The following NSUN7 variants were observed in gnomAD, a reference collection of about 807,000 sequenced individuals.
NSUN7 encodes NOP2/Sun RNA methyltransferase family member 7, also known as protein NSUN7.
In NSUN7, 39 loss-of-function variants were observed where a neutral mutation model predicts 58.5. The ratio of observed to expected loss-of-function variants is 0.67; its 90% CI spans 0.52 to 0.87. NSUN7 has a LOEUF of 0.87. NSUN7 is among the 40% of genes least tolerant of loss of function. The probability of loss-of-function intolerance (pLI) is 0.00; values close to 1 mark genes in which losing one functional copy is unlikely to be tolerated. For synonymous variants in NSUN7, 278 were observed against 303.7 expected, an observed-to-expected ratio of 0.92 and a Z score of 0.88; for missense variants, 765 against 844.1, an observed-to-expected ratio of 0.91 and a Z score of 1.16.
intron 4 of NSUN7, among the ~76,000 whole-genome samples, chr4:40,770,026 C>A (rs1252038240): frequency 6.6e-6 from 1 of 151,808 alleles, no homozygotes; most frequent in Non-Finnish European, 1.5e-5. Context: ...CCTGGACCAA[C>A]ATGGAGAAGC....
At position 40,790,601 on chromosome 4, in the gene NSUN7, G is replaced by T; in HGVS notation, c.1037-1G>T. The T allele has an allele frequency of 1.3e-6, 2 of 1,518,918 alleles. No homozygotes were observed. The highest frequency in any genetic ancestry group is 2.0e-5 in the Admixed American group (1 of 49,438). The allele number at this position is 1,518,918 out of a possible 1,614,324, so 94.1% of individuals were successfully genotyped here. On this transcript the variant is annotated splice_acceptor_variant, in intron 7 of 11. Transcript: ENST00000381782. LOFTEE classifies it high-confidence loss of function. ...TTAAATTTTCTGTGTTTTTTCCCCA[G>T]ATATTGAAATACTTCATGAGAAATT...
chr4:40,750,897 C>T lies in NSUN7; in HGVS notation c.204C>T (p.Ile68=), dbSNP rs1740793270. 1.2e-6 allele frequency: 2 copies of T among 1,614,066 alleles called. No homozygotes were observed. Among genetic ancestry groups the T allele is most frequent in the Non-Finnish European group, 1.7e-6 (2 of 1,180,044 alleles). ...RIEKSAQKVL[I]KYGNEPLRSL... is the part of the protein sequence containing the mutation. ...AAAAGTCGGCACAGAAAGTCTTAAT[C>T]AAGTATGGGAATGAACCCCTGCGGT... Residue 68 remains isoleucine (I), a synonymous_variant, in exon 2 of 12, where the codon ATC becomes ATT. Transcript: ENST00000381782.
Position 40,774,317 on chromosome 4 carries a change from G to C in NSUN7, c.541G>C (p.Ala181Pro). The change falls in exon 5 of 12, where the codon GCC becomes CCC. Residue 181 changes from alanine to proline, a missense_variant. Transcript: ENST00000381782. ...ALARCRIKHD[A>P]LSIYHILPET... ...GGCAAGATGTCGAATCAAGCATGATGCCCTTTCAATTTACCACATCCTTCC... is the reference window on the plus strand; with the variant it reads ...GGCAAGATGTCGAATCAAGCATGATCCCCTTTCAATTTACCACATCCTTCC... The C allele has an allele frequency of 6.2e-7, 1 of 1,614,048 alleles. No individual in the cohort carries two copies. Among genetic ancestry groups the C allele is most frequent in the South Asian group, 1.1e-5 (1 of 91,072 alleles).
chr4:40,752,793 G>C (rs1376983817), intron 2 of NSUN7, among the ~76,000 whole-genome samples: 1 of 152,256 alleles, frequency 6.6e-6, no homozygotes, highest in Non-Finnish European at 1.5e-5. Flanking sequence ...ATTTAGACAG[G>C]AATATATATT....
intron 7 of NSUN7, 159 bp downstream of exon 7, chr4:40,776,418 G>C (rs1348487344): frequency 2.0e-6 from 1 of 505,434 alleles, no homozygotes; most frequent in African/African-American, 1.9e-5. Flanking sequence ...GGCTGTCCTT[G>C]TTGCTTAATT....
At chr4:40,789,726 CA>C (rs1742991801) in intron 7 of NSUN7, among the ~76,000 whole-genome samples, 1 of 151,644 alleles carries the variant, frequency 6.6e-6, no homozygotes, top group Non-Finnish European at 1.5e-5. Context: ...AAAATAGTGG[CA>C]GGGGGCAAGA....
rs1742191178 is a variant in NSUN7, at chr4:40,774,872, T to C, written c.747T>C (p.Asp249=). Residue 249 remains aspartate, a synonymous_variant, in exon 6 of 12, where the codon GAT becomes GAC. Transcript: ENST00000381782. ...KVFAVDQHCY[D]VLIFPSHLKN... ...TTGCTGTGGATCAACATTGCTATGA[T>C]GTCTTAATTTTTCCATCTCATCTTA... is the stretch of plus-strand genomic sequence containing the variant. 1 of 1,417,972 alleles carries C rather than the reference T, an allele frequency of 7.1e-7. No homozygotes were observed. Among genetic ancestry groups the C allele is most frequent in the Admixed American group, 1.7e-5 (1 of 59,326 alleles). 87.8% of individuals were successfully genotyped at this position (1,417,972 alleles called of 1,614,324 possible).
In NSUN7 at chr4:40,807,151, C is replaced by T; in HGVS notation, c.1491C>T (p.Thr497=). 1 of 1,549,706 alleles carries T rather than the reference C, an allele frequency of 6.5e-7. No homozygotes were observed. Among genetic ancestry groups the T allele is most frequent in the African/African-American group, 1.4e-5 (1 of 72,978 alleles). The part of the protein sequence containing the change: ...KFFRMEPSEI[T]NGCFLSILTR... ...TCAGAATGGAACCATCTGAAATTAC[C>T]AATGGTTGTTTTCTTTCTATTTTAA... The change falls in exon 11 of 12, where the codon ACC becomes ACT. Residue 497 remains threonine, a synonymous_variant. Coordinates refer to ENST00000381782, the MANE Select transcript of NSUN7 (RefSeq NM_024677.6).
intron 2 of NSUN7, 57 bp from the exon 3 acceptor site, chr4:40,760,377 A>C: frequency 7.7e-7 from 1 of 1,296,206 alleles, no homozygotes; most frequent in Non-Finnish European, 1.1e-6. Context: ...TTTTGATTCC[A>C]GAGTTTTCAT....
At chr4:40,754,015 T>A (rs1740979145) in intron 2 of NSUN7, among the ~76,000 whole-genome samples, 1 of 152,178 alleles carries the variant, frequency 6.6e-6, no homozygotes, top group Non-Finnish European at 1.5e-5. Flanking sequence ...TATATCTTTA[T>A]CAGCAGCATA....
Position 40,809,061 on chromosome 4 carries a change from T to C in NSUN7, c.*122T>C, listed in dbSNP as rs979988427. 74 of 1,003,700 alleles carry C rather than the reference T, an allele frequency of 7.4e-5. No homozygotes were observed. Among genetic ancestry groups the C allele is most frequent in the Non-Finnish European group, 1.0e-4 (71 of 711,934 alleles). The allele number at this position is 1,003,700 out of a possible 1,614,324, so 62.2% of individuals were successfully genotyped here. On this transcript the variant is annotated 3_prime_UTR_variant, in exon 12 of 12. Coordinates refer to ENST00000381782, the MANE Select transcript of NSUN7 (RefSeq NM_024677.6). ...TTCTTTTGGTCACCTAGGGATCTTC[T>C]AAGTGTGATATTACTTTCAGAGAAT... is the stretch of plus-strand genomic sequence containing the variant.
chr4:40,775,392 G>T lies in NSUN7; in HGVS notation c.825+442G>T, dbSNP rs145526877. On this transcript the variant is annotated intron_variant, in intron 6 of 11. Transcript: ENST00000381782. This position sits in a 1 kb window ranked among gnomAD's most constrained non-coding sequence, Gnocchi z 4.3. ...TTTGATTTGTAAGAGGTATATAAAG[G>T]CTATCAATATAGGAAGAGAATGTGA... 121 of 152,892 alleles carry T rather than the reference G, an allele frequency of 7.9e-4. No individual in the cohort carries two copies. Among genetic ancestry groups the T allele is most frequent in the South Asian group, 2.9e-3 (14 of 4,846 alleles). The allele number at this position is 152,892 out of a possible 1,614,324, so 9.5% of individuals were successfully genotyped here.
chr4:40,776,391 T>C lies in NSUN7; in HGVS notation c.1036+132T>C, dbSNP rs572194795. 1.1e-3 allele frequency: 674 copies of C among 604,298 alleles called. 6 individuals carry two copies. The African/African-American group carries it at 0.011, about 10-fold the overall frequency. 37.4% of individuals were successfully genotyped at this position (604,298 alleles called of 1,614,324 possible). Reference sequence around the variant, plus strand: ...TGAACTAATATCTTAAAATCCTTACTAATCTATGTCTTATCAGGCTGTCCT... The same window carrying C: ...TGAACTAATATCTTAAAATCCTTACCAATCTATGTCTTATCAGGCTGTCCT... On this transcript the variant is annotated intron_variant, in intron 7 of 11. Transcript: ENST00000381782.
chr4:40,763,175 C>G (rs1741540331), intron 4 of NSUN7, among the ~76,000 whole-genome samples: 1 of 152,146 alleles, frequency 6.6e-6, no homozygotes, highest in African/African-American at 2.4e-5. Context: ...CATAGTGAGG[C>G]TTGGCTGAGG....
intron 4 of NSUN7, 33 bp from the exon 5 acceptor site, chr4:40,774,232 G>A (rs780978388): frequency 1.3e-6 from 2 of 1,599,366 alleles, no homozygotes; most frequent in South Asian, 2.2e-5. Context: ...TGTCTCAAAT[G>A]CAATAGATTA....
intron 7 of NSUN7, among the ~76,000 whole-genome samples, chr4:40,782,165 G>T (rs1168948990): frequency 6.6e-6 from 1 of 151,992 alleles, no homozygotes; most frequent in Non-Finnish European, 1.5e-5. Context: ...TACCAACAAT[G>T]AATAATCTAA....
intron 10 of NSUN7, among the ~76,000 whole-genome samples, chr4:40,801,617 G>A (rs888412746): frequency 1.2e-4 from 18 of 151,902 alleles, no homozygotes; most frequent in Non-Finnish European, 5.9e-5. Flanking sequence ...TGCTTTATAG[G>A]TTGAGCATGG....
chr4:40,752,464 A>G (rs1370092758), intron 2 of NSUN7, among the ~76,000 whole-genome samples: 1 of 152,186 alleles, frequency 6.6e-6, no homozygotes. Context: ...TCTGTCGCCC[A>G]GGCTGAAGTG....
At chr4:40,786,534 A>G in intron 7 of NSUN7, 1 of 1,613,270 alleles carries the variant, frequency 6.2e-7, no homozygotes, top group Non-Finnish European at 8.5e-7. Context: ...TGAAGAACTC[A>G]TTGTCTCTTT....
Sources: gnomAD v4.1 joint callset for allele counts (sites outside exome capture counted in the v4.1 genomes callset) on GRCh38, gnomAD v4.1.1 for gene constraint, Gnocchi (gnomAD v3.1) non-coding constraint, MANE v1.5 for transcripts, NCBI Gene and HGNC (gene_info 2026-07-23, HGNC 2026-07-21) for gene names.